The following LHFPL3 variants were observed in gnomAD, a reference collection of about 807,000 sequenced individuals.
LHFPL3 encodes LHFPL tetraspan subfamily member 3 protein.
A neutral mutation model predicts 19.3 loss-of-function variants in LHFPL3; 5 were observed. The observed-to-expected ratio is 0.26, with a 90% confidence interval of 0.14 to 0.54. The LOEUF is 0.54. Among genes scored for constraint, LHFPL3 ranks in the 20% least tolerant of loss-of-function variants. The pLI, the probability that LHFPL3 is intolerant of heterozygous loss-of-function variation, is 0.94. For synonymous variants in LHFPL3, 133 were observed against 126.2 expected, an observed-to-expected ratio of 1.05 and a Z score of -0.36; for missense variants, 249 against 307.4, an observed-to-expected ratio of 0.81 and a Z score of 1.42.
intron 1 of LHFPL3, among the ~76,000 whole-genome samples, chr7:104,725,912 C>A (rs1793581443): frequency 6.6e-6 from 1 of 151,918 alleles, no homozygotes; most frequent in Admixed American, 6.6e-5. Context: ...ATTAGCCAGG[C>A]ATGGTGGCAT....
intron 1 of LHFPL3, among the ~76,000 whole-genome samples, chr7:104,583,434 C>G (rs528139326): frequency 6.8e-4 from 104 of 152,036 alleles, no homozygotes; most frequent in African/African-American, 1.7e-3. Flanking sequence ...CAAAAGCAAT[C>G]GCAACAAAAG....
intron 2 of LHFPL3, among the ~76,000 whole-genome samples, chr7:104,821,684 T>C (rs1014360965): frequency 3.3e-5 from 5 of 152,184 alleles, no homozygotes; most frequent in Admixed American, 3.3e-4. Context: ...TGTGACCATC[T>C]CACTATGCTG....
intron 2 of LHFPL3, among the ~76,000 whole-genome samples, chr7:104,861,733 G>A (rs1791622654): frequency 6.6e-6 from 1 of 152,166 alleles, no homozygotes. Context: ...CGAGCTTCCT[G>A]GTGGTCTAAC....
In LHFPL3 at chr7:104,435,235, C is replaced by T. The variant is rs567600514; in HGVS notation, c.445+106011C>T. Among the ~76,000 whole-genome samples, 125 of 152,072 alleles carry T rather than the reference C, an allele frequency of 8.2e-4. 1 individual carries two copies. The highest frequency in any genetic ancestry group is 1.3e-3 in the Non-Finnish European group (90 of 67,968). On this transcript the variant is annotated intron_variant, in intron 1 of 2. Transcript: ENST00000424859. ...ATAGCTTACTGCAGCCCCAAACTCC[C>T]GGGCCCAAGGGATCCTCCTGCCTCA...
At chr7:104,554,922 C>T (rs992965688) in intron 1 of LHFPL3, among the ~76,000 whole-genome samples, 1 of 152,192 alleles carries the variant, frequency 6.6e-6, no homozygotes, top group African/African-American at 2.4e-5. Context: ...GCTGGAGAAC[C>T]TGGAGTTCTG....
intron 1 of LHFPL3, among the ~76,000 whole-genome samples, chr7:104,706,915 G>A (rs1793201031): frequency 6.7e-6 from 1 of 150,110 alleles, no homozygotes; most frequent in Admixed American, 6.7e-5. Flanking sequence ...CCAGGGGAGA[G>A]AGGGAGGAGG....
intron 1 of LHFPL3, among the ~76,000 whole-genome samples, chr7:104,381,615 G>A (rs1417076526): frequency 6.6e-6 from 1 of 151,672 alleles, no homozygotes; most frequent in Non-Finnish European, 1.5e-5. Context: ...ATCAGGCACT[G>A]CACTAGTTCT....
intron 1 of LHFPL3, among the ~76,000 whole-genome samples, chr7:104,527,382 T>A (rs1180431948): frequency 2.0e-5 from 3 of 151,904 alleles, no homozygotes; most frequent in Non-Finnish European, 4.4e-5. Context: ...AATAATTGAG[T>A]AGGAGTTCAT....
At chr7:104,685,724 A>G (rs958493499) in intron 1 of LHFPL3, among the ~76,000 whole-genome samples, 7 of 152,198 alleles carry the variant, frequency 4.6e-5, no homozygotes, top group African/African-American at 1.7e-4. Flanking sequence ...CCGTTCATTC[A>G]ACAAGGGATG....
intron 1 of LHFPL3, among the ~76,000 whole-genome samples, chr7:104,342,449 C>A (rs1368962657): frequency 1.3e-5 from 2 of 151,930 alleles, no homozygotes; most frequent in African/African-American, 4.8e-5. Flanking sequence ...AAACTGGGCA[C>A]CTAATTTAAT....
intron 1 of LHFPL3, among the ~76,000 whole-genome samples, chr7:104,638,523 T>G (rs1228633969): frequency 6.6e-6 from 1 of 152,086 alleles, no homozygotes; most frequent in East Asian, 1.9e-4. Context: ...ATTGACTGTG[T>G]GTTTGTCATA....
intron 1 of LHFPL3, among the ~76,000 whole-genome samples, chr7:104,565,175 G>A (rs1014852105): frequency 3.9e-5 from 6 of 152,306 alleles, no homozygotes; most frequent in African/African-American, 1.4e-4. Context: ...AATCACCTAA[G>A]CATTCAAACA....
intron 1 of LHFPL3, among the ~76,000 whole-genome samples, chr7:104,608,784 TACTGAGTTTATCA>T (rs1166798775): frequency 6.6e-6 from 1 of 152,200 alleles, no homozygotes; most frequent in Non-Finnish European, 1.5e-5. Context: ...GTCAGTCCGC[TACTGAGTTTATCA>T]ACTGGATTCT....
At chr7:104,600,833 T>C (rs1790950066) in intron 1 of LHFPL3, among the ~76,000 whole-genome samples, 1 of 152,208 alleles carries the variant, frequency 6.6e-6, no homozygotes, top group African/African-American at 2.4e-5. Flanking sequence ...GGAGGTGATG[T>C]AGCTAAACAA....
chr7:104,830,639 T>C (rs578157189), intron 2 of LHFPL3, among the ~76,000 whole-genome samples: 1 of 152,080 alleles, frequency 6.6e-6, no homozygotes, highest in African/African-American at 2.4e-5. Flanking sequence ...GATCAGATGG[T>C]TGTAGACAAG....
At chr7:104,373,331 G>A (rs1286224628) in intron 1 of LHFPL3, among the ~76,000 whole-genome samples, 1 of 152,132 alleles carries the variant, frequency 6.6e-6, no homozygotes, top group Admixed American at 6.5e-5. Context: ...AAGAAAAATT[G>A]TGAAATAAAT....
intron 2 of LHFPL3, among the ~76,000 whole-genome samples, chr7:104,871,289 T>C (rs901572491): frequency 1.3e-5 from 2 of 152,196 alleles, no homozygotes; most frequent in Admixed American, 1.3e-4. Context: ...TGATAAGTAT[T>C]TGTGTATCTA....
intron 2 of LHFPL3, among the ~76,000 whole-genome samples, chr7:104,862,142 C>A (rs918002343): frequency 1.3e-5 from 2 of 152,130 alleles, no homozygotes; most frequent in African/African-American, 4.8e-5. Flanking sequence ...AAAATACCCT[C>A]CAAATGCCAC....
chr7:104,557,171 C>T (rs1485943021), intron 1 of LHFPL3, among the ~76,000 whole-genome samples: 6 of 152,182 alleles, frequency 3.9e-5, no homozygotes, highest in Non-Finnish European at 7.3e-5. Flanking sequence ...GTTCCAAAGT[C>T]GCTTTCACAT....
Sources: gnomAD v4.1 joint callset for allele counts (sites outside exome capture counted in the v4.1 genomes callset) on GRCh38, gnomAD v4.1.1 for gene constraint, MANE v1.5 for transcripts, NCBI Gene and HGNC (gene_info 2026-07-23, HGNC 2026-07-21) for gene names.